The following ERP44 variants were observed in gnomAD, a reference collection of about 807,000 sequenced individuals.
ERP44 encodes the protein endoplasmic reticulum protein 44, also known as endoplasmic reticulum resident protein 44.
ERP44 carries 25 observed loss-of-function variants against 53.4 expected under a neutral mutation model. The ratio of observed to expected loss-of-function variants is 0.47; its 90% CI spans 0.34 to 0.65. The LOEUF is 0.65. ERP44 is among the 30% of genes least tolerant of loss of function. ERP44 has a pLI of 0.01. For missense variants in ERP44, 338 were observed against 493.2 expected, an observed-to-expected ratio of 0.69 and a Z score of 2.98; for synonymous variants, 145 against 161.2, an observed-to-expected ratio of 0.90 and a Z score of 0.76.
chr9:100,087,376 T>G (rs947202701), intron 1 of ERP44, among the ~76,000 whole-genome samples: 8 of 152,214 alleles, frequency 5.3e-5, no homozygotes, highest in African/African-American at 1.9e-4. Flanking sequence ...GCTGGTCAAG[T>G]GAACTCATTA....
In ERP44 at chr9:100,048,855, G is replaced by A. The variant is rs529879046; in HGVS notation, c.286+3562C>T. On this transcript the variant is annotated intron_variant, in intron 4 of 11. Coordinates refer to ENST00000262455, the MANE Select transcript of ERP44 (RefSeq NM_015051.3). ...AAGAAGGTAGAAAAGTGGTTGCCAG[G>A]GGCTGGGGAGAATGGGCAATGGGAA... 8.0e-4 allele frequency among the ~76,000 whole-genome samples: 122 copies of A among 152,294 alleles called. 1 individual carries two copies. The highest frequency in any genetic ancestry group is 2.8e-3 in the African/African-American group (118 of 41,558).
intron 10 of ERP44, chr9:99,999,022 C>A: frequency 2.1e-6 from 2 of 948,374 alleles, no homozygotes; most frequent in Non-Finnish European, 3.4e-6. Flanking sequence ...GGGCAGCGGG[C>A]GCAGCTGCTC....
At chr9:100,050,174 G>A (rs535470233) in intron 4 of ERP44, among the ~76,000 whole-genome samples, 1 of 152,102 alleles carries the variant, frequency 6.6e-6, no homozygotes, top group Non-Finnish European at 1.5e-5. Flanking sequence ...GTATAGAAGG[G>A]ACAGACAGGG....
At chr9:100,052,640 G>A (rs1247453618) in intron 3 of ERP44, 108 bp from the exon 4 acceptor site, 14 of 526,716 alleles carry the variant, frequency 2.7e-5, no homozygotes, top group Admixed American at 9.5e-5. Flanking sequence ...ACGACTCTGC[G>A]AGATAATCAC....
At chr9:100,072,212 T>C (rs949174869) in intron 1 of ERP44, among the ~76,000 whole-genome samples, 5 of 152,214 alleles carry the variant, frequency 3.3e-5, no homozygotes, top group Admixed American at 3.3e-4. Context: ...TCTTCATTAC[T>C]ACCACATAGT....
At chr9:100,086,034 A>G (rs530357474) in intron 1 of ERP44, among the ~76,000 whole-genome samples, 6 of 152,334 alleles carry the variant, frequency 3.9e-5, no homozygotes, top group Admixed American at 2.0e-4. Flanking sequence ...TTTTCTAAAG[A>G]TTTGTCATCA....
chr9:100,001,858 T>C (rs1379609817), intron 10 of ERP44, among the ~76,000 whole-genome samples: 1 of 152,190 alleles, frequency 6.6e-6, no homozygotes, highest in East Asian at 1.9e-4. Flanking sequence ...ATTTTGTTAA[T>C]TGTTCACTGG....
intron 4 of ERP44, among the ~76,000 whole-genome samples, chr9:100,022,617 C>T (rs925428521): frequency 6.6e-6 from 1 of 151,980 alleles, no homozygotes; most frequent in African/African-American, 2.4e-5. Flanking sequence ...AGCAATAATG[C>T]CTTATGGGGT....
intron 1 of ERP44, among the ~76,000 whole-genome samples, chr9:100,062,409 T>G (rs535666855): frequency 5.0e-4 from 76 of 152,326 alleles, no homozygotes; most frequent in African/African-American, 1.7e-3. Flanking sequence ...TCTGACCAGT[T>G]CTAGATAACT....
chr9:99,996,854 G>A (rs1830313944), intron 10 of ERP44, among the ~76,000 whole-genome samples: 1 of 92,300 alleles, frequency 1.1e-5, no homozygotes, highest in South Asian at 3.8e-4. Context: ...TGTAAATGCT[G>A]TTCATTCCTT....
intron 1 of ERP44, among the ~76,000 whole-genome samples, chr9:100,067,613 C>G (rs1275532234): frequency 6.6e-6 from 1 of 152,176 alleles, no homozygotes; most frequent in Non-Finnish European, 1.5e-5. Flanking sequence ...CGGCCGCCAC[C>G]CCGTCTGGGA....
chr9:100,067,841 C>T (rs564364483), intron 1 of ERP44, among the ~76,000 whole-genome samples: 1 of 151,898 alleles, frequency 6.6e-6, no homozygotes, highest in African/African-American at 2.4e-5. Flanking sequence ...CTCTGCCTGG[C>T]CGCCCCGTCT....
chr9:100,074,793 T>C (rs551495649), intron 1 of ERP44, among the ~76,000 whole-genome samples: 1 of 152,182 alleles, frequency 6.6e-6, no homozygotes, highest in Non-Finnish European at 1.5e-5. Flanking sequence ...GTCATCGTGG[T>C]CCTCCAGTTA....
Position 99,980,118 on chromosome 9 carries a change from A to G in ERP44, c.*2494T>C, listed in dbSNP as rs1830132888. ...CACCTATTCATCTTTTTAAAGCTCA[A>G]AATAAAAATAATGTCCTCAAATCTC... On this transcript the variant is annotated 3_prime_UTR_variant, in exon 12 of 12. Transcript: ENST00000262455. 1 of 398,418 alleles carries G rather than the reference A, an allele frequency of 2.5e-6. No homozygotes were observed. The highest frequency in any genetic ancestry group is 4.4e-6 in the Non-Finnish European group (1 of 225,944). The allele number at this position is 398,418 out of a possible 1,614,324, so 24.7% of individuals were successfully genotyped here.
At chr9:100,035,337 C>T (rs1403514891) in intron 4 of ERP44, among the ~76,000 whole-genome samples, 2 of 152,124 alleles carry the variant, frequency 1.3e-5, no homozygotes, top group African/African-American at 2.4e-5. Flanking sequence ...CAACAAAGGT[C>T]TAATATCTAG....
chr9:100,056,344 C>A (rs779689085), intron 3 of ERP44, among the ~76,000 whole-genome samples: 2 of 152,190 alleles, frequency 1.3e-5, no homozygotes, highest in African/African-American at 2.4e-5. Flanking sequence ...CTCTGTGTAT[C>A]TTCAACTTTT....
intron 10 of ERP44, among the ~76,000 whole-genome samples, chr9:99,991,548 C>T (rs905694104): frequency 4.6e-5 from 7 of 152,102 alleles, no homozygotes; most frequent in Admixed American, 3.9e-4. Flanking sequence ...ACTAAATGCC[C>T]ATAAAAGAAA....
chr9:100,061,337 G>A (rs1157717889), intron 1 of ERP44, among the ~76,000 whole-genome samples: 3 of 151,648 alleles, frequency 2.0e-5, no homozygotes, highest in Admixed American at 1.3e-4. Context: ...CCAGCTGCTC[G>A]GGAGGCTGAG....
At chr9:100,079,546 G>A (rs1268157133) in intron 1 of ERP44, among the ~76,000 whole-genome samples, 1 of 151,518 alleles carries the variant, frequency 6.6e-6, no homozygotes, top group Non-Finnish European at 1.5e-5. Flanking sequence ...TTCTTAACAG[G>A]ACTCTTTCAG....
Sources: allele counts gnomAD v4.1 joint callset (sites outside exome capture counted in the v4.1 genomes callset), GRCh38; gene constraint gnomAD v4.1.1; transcripts MANE v1.5; gene names NCBI Gene and HGNC (gene_info 2026-07-23, HGNC 2026-07-21).